Variants in ABTB2 observed in about 807,000 individuals in gnomAD.
ABTB2 encodes ankyrin repeat and BTB domain containing 2, also known as ankyrin repeat and BTB/POZ domain-containing protein 2.
In ABTB2, 56 loss-of-function variants were observed where a neutral mutation model predicts 104.1. The ratio of observed to expected loss-of-function variants is 0.54; its 90% confidence interval spans 0.43 to 0.67. The LOEUF (loss-of-function observed/expected upper bound fraction) is 0.67. Ranked by LOEUF, ABTB2 falls within the 30% of genes least tolerant of loss-of-function variation. ABTB2 has a pLI of 0.00. For synonymous variants in ABTB2, 606 were observed against 608.2 expected, an observed-to-expected ratio of 1.00 and a Z score of 0.05; for missense variants, 1,279 against 1,407.7, an observed-to-expected ratio of 0.91 and a Z score of 1.46.
At chr11:34,203,454 C>A (rs931066038) in intron 2 of ABTB2, among the ~76,000 whole-genome samples, 5 of 152,152 alleles carry the variant, frequency 3.3e-5, no homozygotes, top group African/African-American at 1.2e-4. Flanking sequence ...GTGCGAGGGC[C>A]CAAGACAGCC....
intron 1 of ABTB2, among the ~76,000 whole-genome samples, chr11:34,348,014 A>C (rs1855354581): frequency 6.6e-6 from 1 of 152,172 alleles, no homozygotes; most frequent in African/African-American, 2.4e-5. Flanking sequence ...TTCATTCTGT[A>C]CTGGGATTGC....
chr11:34,173,412 G>C (rs921059735), intron 3 of ABTB2, 105 bp from the exon 4 acceptor site: 5 of 1,380,262 alleles, frequency 3.6e-6, no homozygotes, highest in Non-Finnish European at 4.9e-6. Context: ...AGCAGAGAGA[G>C]GGTCAGTCCT....
intron 3 of ABTB2, among the ~76,000 whole-genome samples, chr11:34,181,488 G>C (rs1371617019): frequency 6.6e-6 from 1 of 152,144 alleles, no homozygotes; most frequent in East Asian, 1.9e-4. Context: ...CACAAGCCTC[G>C]GGTCTCTGTT....
intron 1 of ABTB2, among the ~76,000 whole-genome samples, chr11:34,239,646 T>C (rs1054254748): frequency 6.6e-6 from 1 of 151,860 alleles, no homozygotes; most frequent in Non-Finnish European, 1.5e-5. Context: ...GCCTTTTTTC[T>C]ACCCCCACCC....
At chr11:34,316,043 G>A (rs900061260) in intron 1 of ABTB2, among the ~76,000 whole-genome samples, 1 of 152,222 alleles carries the variant, frequency 6.6e-6, no homozygotes, top group African/African-American at 2.4e-5. Context: ...TCCAACACTT[G>A]ACAAGAACTA....
chr11:34,299,125 T>A (rs1397684827), intron 1 of ABTB2, among the ~76,000 whole-genome samples: 3 of 152,200 alleles, frequency 2.0e-5, no homozygotes, highest in Non-Finnish European at 4.4e-5. Context: ...TAGCAGATGT[T>A]TTTCTGGAAT....
At chr11:34,238,058 C>A (rs1385426516) in intron 1 of ABTB2, among the ~76,000 whole-genome samples, 3 of 152,120 alleles carry the variant, frequency 2.0e-5, no homozygotes, top group South Asian at 2.1e-4. Flanking sequence ...CTGCTATATA[C>A]CCACAAAATT....
intron 1 of ABTB2, among the ~76,000 whole-genome samples, chr11:34,271,750 CAT>C (rs1854316448): frequency 8.8e-6 from 1 of 114,212 alleles, no homozygotes; most frequent in African/African-American, 3.4e-5. Flanking sequence ...TACATACATA[CAT>C]ACATACATAC....
At chr11:34,192,444 G>A (rs2133033049) in intron 3 of ABTB2, among the ~76,000 whole-genome samples, 1 of 152,330 alleles carries the variant, frequency 6.6e-6, no homozygotes, top group African/African-American at 2.4e-5. Context: ...GCCCTCCTCA[G>A]ATGGGGCTAT....
At position 34,197,483 on chromosome 11, in the gene ABTB2, C is replaced by A; in HGVS notation, c.1086G>T (p.Pro362=). ...HHMQGRHPLC[P]GASPARQARQ... is the part of the protein sequence containing the mutation. ...GGGCCTGGCGGGCAGGGCTGGCACC[C>A]GGGCACAGGGGGTGACGCCCCTGCA... The change falls in exon 3 of 17, where the codon CCG becomes CCT. Residue 362 remains proline (P), a synonymous_variant. Transcript: ENST00000435224. 2 of 1,580,712 alleles carry A rather than the reference C, an allele frequency of 1.3e-6. No individual in the cohort carries two copies.
At chr11:34,159,844 G>T in intron 13 of ABTB2, 62 bp downstream of exon 13, 1 of 1,351,334 alleles carries the variant, frequency 7.4e-7, no homozygotes, top group Non-Finnish European at 1.1e-6. Context: ...CTGTCACCTG[G>T]AATCTGAAAC....
In ABTB2 at chr11:34,160,889, C is replaced by G. The variant is rs771241537; in HGVS notation, c.2397+14G>C. On this transcript the variant is annotated intron_variant, in intron 11 of 16. Coordinates refer to ENST00000435224, the MANE Select transcript of ABTB2 (RefSeq NM_145804.3). ...GGGCCGTGGGCTTGGGAACTGGCCA[C>G]TGGCCACACTTACTTTGCTGGTCTT... The G allele has an allele frequency of 1.0e-5, 16 of 1,589,878 alleles. No individual in the cohort carries two copies. In the Admixed American group the frequency reaches 2.1e-4, roughly 21 times the overall value.
intron 1 of ABTB2, among the ~76,000 whole-genome samples, chr11:34,353,107 G>T (rs181173801): frequency 6.6e-6 from 1 of 152,220 alleles, no homozygotes; most frequent in Non-Finnish European, 1.5e-5. Context: ...GGCAAAGGTA[G>T]GCTTCAAACT....
chr11:34,223,824 A>C (rs542220776), intron 1 of ABTB2, among the ~76,000 whole-genome samples: 9 of 152,214 alleles, frequency 5.9e-5, no homozygotes, highest in African/African-American at 1.9e-4. Context: ...GGTGGAGAAA[A>C]CTACTAGAAC....
intron 1 of ABTB2, chr11:34,335,631 A>T: frequency 6.7e-7 from 1 of 1,491,904 alleles, no homozygotes; most frequent in Middle Eastern, 2.1e-4. Flanking sequence ...GTGCATCATT[A>T]CCCTGAAATT....
intron 1 of ABTB2, among the ~76,000 whole-genome samples, chr11:34,352,061 T>C (rs994846877): frequency 1.3e-5 from 2 of 152,202 alleles, no homozygotes; most frequent in Non-Finnish European, 2.9e-5. Context: ...TGGAAACTGA[T>C]TAAACACCAC....
At chr11:34,291,827 T>C (rs1039603087) in intron 1 of ABTB2, among the ~76,000 whole-genome samples, 1 of 152,134 alleles carries the variant, frequency 6.6e-6, no homozygotes, top group African/African-American at 2.4e-5. Flanking sequence ...TTTTAAAAAA[T>C]TATTTAACAT....
chr11:34,348,190 G>A (rs183575890), intron 1 of ABTB2, among the ~76,000 whole-genome samples: 7 of 152,282 alleles, frequency 4.6e-5, no homozygotes, highest in African/African-American at 1.2e-4. Flanking sequence ...GACAGCAGAC[G>A]GGTGCATTTT....
chr11:34,341,936 G>C lies in ABTB2; in HGVS notation c.883+14765C>G, dbSNP rs188243383. On this transcript the variant is annotated intron_variant, in intron 1 of 16. Transcript: ENST00000435224. ...TAAGGAAAAAGATTAAACGTGTAAAGGGTCCCCCATTAAATTACTTAGGAA... is the reference window on the plus strand; with the variant it reads ...TAAGGAAAAAGATTAAACGTGTAAACGGTCCCCCATTAAATTACTTAGGAA... Among the ~76,000 whole-genome samples, 511 of 152,274 alleles carry C rather than the reference G, an allele frequency of 3.4e-3. 6 individuals carry two copies. The highest frequency in any genetic ancestry group is 0.012 in the African/African-American group (484 of 41,554).
Sources: allele counts gnomAD v4.1 joint callset (sites outside exome capture counted in the v4.1 genomes callset), GRCh38; gene constraint gnomAD v4.1.1; transcripts MANE v1.5; gene names NCBI Gene and HGNC (gene_info 2026-07-23, HGNC 2026-07-21).